Variants in GPC6 observed in about 807,000 individuals in gnomAD.
The protein encoded by GPC6 is glypican-6.
Under a neutral mutation model 55.2 loss-of-function variants are expected in GPC6, and 14 were observed. The observed-to-expected ratio is 0.25, with a 90% CI of 0.17 to 0.40. GPC6 has a LOEUF of 0.40. Among genes scored for constraint, GPC6 ranks in the 10% least tolerant of loss-of-function variants. The probability of loss-of-function intolerance (pLI) is 1.00; values close to 1 mark genes in which losing one functional copy is unlikely to be tolerated. For missense variants in GPC6, 641 were observed against 708.5 expected, an observed-to-expected ratio of 0.90 and a Z score of 1.08; for synonymous variants, 278 against 259.6, an observed-to-expected ratio of 1.07 and a Z score of -0.68.
Position 94,212,708 on chromosome 13 carries a change from C to T in GPC6, c.878-73641C>T, listed in dbSNP as rs576681062. On this transcript the variant is annotated intron_variant, in intron 4 of 8. Coordinates refer to ENST00000377047, the MANE Select transcript of GPC6 (RefSeq NM_005708.5). ...ATAGCTTAGAAGCCCTTCAAGTAAT[C>T]ATAATAAGCTAACACACTTTGAGGA... is the stretch of plus-strand genomic sequence containing the variant. 6.3e-4 allele frequency among the ~76,000 whole-genome samples: 96 copies of T among 152,296 alleles called. 1 individual carries two copies. Among genetic ancestry groups the T allele is most frequent in the Middle Eastern group, 3.4e-3 (1 of 294 alleles).
At chr13:93,495,690 A>C (rs1192166285) in intron 1 of GPC6, among the ~76,000 whole-genome samples, 1 of 122,388 alleles carries the variant, frequency 8.2e-6, no homozygotes, top group Non-Finnish European at 1.7e-5. Flanking sequence ...GGTGATGTAC[A>C]GATGGGTTTT....
chr13:93,753,561 C>G (rs1400489712), intron 2 of GPC6, among the ~76,000 whole-genome samples: 2 of 152,120 alleles, frequency 1.3e-5, no homozygotes, highest in Non-Finnish European at 2.9e-5. Context: ...TCCATCTCCT[C>G]AAGCATTTAT....
chr13:94,097,068 A>T (rs1321400709), intron 4 of GPC6, among the ~76,000 whole-genome samples: 1 of 150,926 alleles, frequency 6.6e-6, no homozygotes, highest in Non-Finnish European at 1.5e-5. Flanking sequence ...CACTTAGCAC[A>T]GTGCCCAACA....
At chr13:93,735,815 G>T (rs1463870019) in intron 2 of GPC6, among the ~76,000 whole-genome samples, 1 of 152,284 alleles carries the variant, frequency 6.6e-6, no homozygotes, top group Admixed American at 6.5e-5. Flanking sequence ...TGTACTATTT[G>T]TCTGGAGGAT....
intron 1 of GPC6, among the ~76,000 whole-genome samples, chr13:93,500,249 A>T (rs1397013851): frequency 6.6e-6 from 1 of 152,218 alleles, no homozygotes. Flanking sequence ...CTGTGGGACT[A>T]ACGGATTTAT....
chr13:93,689,540 T>C (rs1430956174), intron 2 of GPC6, among the ~76,000 whole-genome samples: 2 of 151,976 alleles, frequency 1.3e-5, no homozygotes, highest in Admixed American at 1.3e-4. Context: ...GAAAGCAACA[T>C]AGGAAAGGCA....
chr13:94,141,320 A>C (rs984335852), intron 4 of GPC6, among the ~76,000 whole-genome samples: 1 of 152,334 alleles, frequency 6.6e-6, no homozygotes, highest in East Asian at 1.9e-4. Context: ...TCAGCAAAAA[A>C]GAATGCTTAA....
intron 4 of GPC6, among the ~76,000 whole-genome samples, chr13:94,110,212 G>A (rs1332286100): frequency 6.6e-6 from 1 of 151,930 alleles, no homozygotes; most frequent in East Asian, 1.9e-4. Context: ...CAGATATTTG[G>A]GGTGACAAAT....
intron 4 of GPC6, among the ~76,000 whole-genome samples, chr13:94,226,139 C>T (rs1269120858): frequency 6.6e-6 from 1 of 152,142 alleles, no homozygotes; most frequent in African/African-American, 2.4e-5. Context: ...GAAAACACAA[C>T]AGAGCACACA....
chr13:94,094,040 A>G (rs2138815932), intron 4 of GPC6, among the ~76,000 whole-genome samples: 1 of 138,732 alleles, frequency 7.2e-6, no homozygotes, highest in South Asian at 2.5e-4. Context: ...AAATAAATTC[A>G]GCAACAGGAC....
Position 94,136,782 on chromosome 13 carries a change from A to G in GPC6, c.877+108888A>G, listed in dbSNP as rs541379137. On this transcript the variant is annotated intron_variant, in intron 4 of 8. Transcript: ENST00000377047. ...GTAGAGTGATTGAAGGAATTTTAAA[A>G]GGGAATGCACCATGAGATTGTGTTT... Among the ~76,000 whole-genome samples, 107 of 152,294 alleles carry G rather than the reference A, an allele frequency of 7.0e-4. 1 individual carries two copies. The South Asian group carries it at 0.021, about 30-fold the overall frequency.
intron 3 of GPC6, among the ~76,000 whole-genome samples, chr13:93,991,985 T>C (rs940855594): frequency 1.3e-5 from 2 of 152,024 alleles, no homozygotes; most frequent in Admixed American, 1.3e-4. Flanking sequence ...ATGTGGCATA[T>C]ACATAAACAT....
chr13:93,903,202 G>A (rs1191856478), intron 3 of GPC6, among the ~76,000 whole-genome samples: 1 of 152,140 alleles, frequency 6.6e-6, no homozygotes, highest in Non-Finnish European at 1.5e-5. Context: ...GGCAACAAAA[G>A]CAAAAGGAGA....
intron 1 of GPC6, among the ~76,000 whole-genome samples, chr13:93,415,576 A>C (rs1876667726): frequency 6.6e-6 from 1 of 152,110 alleles, no homozygotes; most frequent in Admixed American, 6.6e-5. Flanking sequence ...TAGTATGAAT[A>C]TTTTTCAGGT....
chr13:94,354,905 G>A (rs1403449834), intron 6 of GPC6, among the ~76,000 whole-genome samples: 4 of 152,178 alleles, frequency 2.6e-5, no homozygotes, highest in Non-Finnish European at 5.9e-5. Context: ...GGATGGAAGT[G>A]GAGAGAGAAT....
chr13:93,318,795 G>A (rs1879330728), intron 1 of GPC6, among the ~76,000 whole-genome samples: 1 of 152,106 alleles, frequency 6.6e-6, no homozygotes, highest in African/African-American at 2.4e-5. Context: ...GCTGAAACAA[G>A]GAAGTTTGTT....
chr13:94,264,426 A>G (rs80223194), intron 4 of GPC6, among the ~76,000 whole-genome samples: 2,416 of 152,264 alleles, frequency 0.016, 57 homozygotes, highest in African/African-American at 0.053. Flanking sequence ...TTCTTGTGAA[A>G]CTTCCATCTA....
At chr13:93,711,907 A>G (rs1337982854) in intron 2 of GPC6, among the ~76,000 whole-genome samples, 4 of 151,768 alleles carry the variant, frequency 2.6e-5, no homozygotes, top group South Asian at 2.1e-4. Context: ...TACATTATAC[A>G]TGGTTCCTTA....
Position 94,403,598 on chromosome 13 carries a change from A to G in GPC6, c.*381A>G. 3.6e-6 allele frequency: 1 copy of G among 278,780 alleles called. No individual in the cohort carries two copies. The highest frequency in any genetic ancestry group is 4.0e-5 in the South Asian group (1 of 24,844). 17.3% of individuals were successfully genotyped at this position (278,780 alleles called of 1,614,324 possible). Reference sequence around the variant, plus strand: ...AGAAAGAAAATAATTTTCCTTGTAAAATCGGGCCAAACCCCAAGACAGCTA... The same window carrying G: ...AGAAAGAAAATAATTTTCCTTGTAAGATCGGGCCAAACCCCAAGACAGCTA... On this transcript the variant is annotated 3_prime_UTR_variant, in exon 9 of 9. Transcript: ENST00000377047.
Sources: gnomAD v4.1 joint callset for allele counts (sites outside exome capture counted in the v4.1 genomes callset) on GRCh38, gnomAD v4.1.1 for gene constraint, MANE v1.5 for transcripts, NCBI Gene and HGNC (gene_info 2026-07-23, HGNC 2026-07-21) for gene names.